Variants in DOCK10 observed in about 807,000 individuals in gnomAD.
DOCK10 encodes the protein dedicator of cytokinesis protein 10.
A neutral mutation model predicts 280.1 loss-of-function variants in DOCK10; 145 were observed. The observed-to-expected ratio is 0.52, with a 90% CI of 0.45 to 0.59. DOCK10 has a LOEUF of 0.59. DOCK10 is among the 20% of genes least tolerant of loss of function. DOCK10 has a pLI of 0.00. For synonymous variants in DOCK10, 915 were observed against 942.2 expected (o/e 0.97, Z 0.53); for missense variants, 2,368 against 2,651.7 (o/e 0.89, Z 2.35).
chr2:224,784,741 G>A (rs1353524084), intron 50 of DOCK10: 2 of 1,289,764 alleles, frequency 1.6e-6, no homozygotes, highest in Non-Finnish European at 2.0e-6. Flanking sequence ...ACTTACCACA[G>A]CCTGGAACAA....
At chr2:224,883,488 T>C (rs1477877799) in intron 7 of DOCK10, among the ~76,000 whole-genome samples, 1 of 152,240 alleles carries the variant, frequency 6.6e-6, no homozygotes, top group Non-Finnish European at 1.5e-5. Flanking sequence ...GGTTGTGACC[T>C]TTGAAATTAA....
chr2:224,789,020 A>G (rs1420499873), intron 48 of DOCK10, 44 bp downstream of exon 48: 1 of 1,247,778 alleles, frequency 8.0e-7, no homozygotes. Context: ...AAGCCAATGC[A>G]TCTCTTTCCT....
intron 22 of DOCK10, among the ~76,000 whole-genome samples, chr2:224,844,494 A>T (rs1559541889): frequency 6.6e-6 from 1 of 152,186 alleles, no homozygotes; most frequent in Non-Finnish European, 1.5e-5. Flanking sequence ...CCATACTCCA[A>T]GGGGAGTGTG....
intron 2 of DOCK10, among the ~76,000 whole-genome samples, chr2:224,919,746 G>T (rs571818181): frequency 2.0e-5 from 3 of 152,134 alleles, no homozygotes; most frequent in Non-Finnish European, 2.9e-5. Flanking sequence ...GGAAGCACGG[G>T]GTTTGTATCC....
chr2:224,869,512 C>A (rs1217306125), intron 11 of DOCK10, among the ~76,000 whole-genome samples: 1 of 151,986 alleles, frequency 6.6e-6, no homozygotes, highest in Non-Finnish European at 1.5e-5. Flanking sequence ...TTTTAAAAAA[C>A]AATGGTATTA....
At chr2:224,915,276 T>C (rs1049132887) in intron 3 of DOCK10, among the ~76,000 whole-genome samples, 1 of 152,218 alleles carries the variant, frequency 6.6e-6, no homozygotes, top group Non-Finnish European at 1.5e-5. Flanking sequence ...CCCTACTGTA[T>C]GCTAAGACTT....
chr2:224,909,596 A>G (rs577354938), intron 3 of DOCK10, among the ~76,000 whole-genome samples: 2 of 152,316 alleles, frequency 1.3e-5, no homozygotes, highest in East Asian at 3.9e-4. Context: ...AAAATGTGTA[A>G]GAACATGGAA....
At chr2:224,972,204 A>G (rs1483974954) in intron 1 of DOCK10, among the ~76,000 whole-genome samples, 1 of 152,234 alleles carries the variant, frequency 6.6e-6, no homozygotes, top group African/African-American at 2.4e-5. Context: ...AAGAACTATT[A>G]TTTTTGGACA....
At chr2:224,952,748 A>G (rs1415583431) in intron 1 of DOCK10, among the ~76,000 whole-genome samples, 1 of 151,272 alleles carries the variant, frequency 6.6e-6, no homozygotes, top group Non-Finnish European at 1.5e-5. Context: ...GCCCGCCACT[A>G]CGCCCGGCTA....
chr2:225,031,317 G>T lies in DOCK10; in HGVS notation c.123+10935C>A, dbSNP rs1045129564. On this transcript the variant is annotated intron_variant, in intron 1 of 55. Coordinates refer to ENST00000258390, the MANE Select transcript of DOCK10 (RefSeq NM_014689.3). ...TCAGGGATCTTCCCAAGATACATCT[G>T]TTCAGAAATGGACTTACACTGTGGA... Among the ~76,000 whole-genome samples the T allele has an allele frequency of 2.0e-5, 3 of 152,318 alleles. 1 individual carries two copies. Among genetic ancestry groups the T allele is most frequent in the South Asian group, 4.1e-4 (2 of 4,822 alleles).
intron 1 of DOCK10, among the ~76,000 whole-genome samples, chr2:224,951,039 T>C (rs573291023): frequency 2.4e-4 from 36 of 152,300 alleles, no homozygotes; most frequent in Non-Finnish European, 4.0e-4. Context: ...GTGTGAGAGA[T>C]AGACAGGCTG....
chr2:224,848,385 A>G (rs1163312652), intron 19 of DOCK10, among the ~76,000 whole-genome samples: 3 of 152,210 alleles, frequency 2.0e-5, no homozygotes, highest in Non-Finnish European at 4.4e-5. Flanking sequence ...TTTTTCACTG[A>G]AACTTCTTTG....
chr2:225,003,756 CTT>C (rs1018615653), intron 1 of DOCK10, among the ~76,000 whole-genome samples: 5 of 152,162 alleles, frequency 3.3e-5, no homozygotes, highest in African/African-American at 1.2e-4. Context: ...AATATTGTCT[CTT>C]TAAAGTCCAT....
chr2:224,913,146 TATTA>T (rs1701130721), intron 3 of DOCK10, among the ~76,000 whole-genome samples: 1 of 152,204 alleles, frequency 6.6e-6, no homozygotes, highest in Admixed American at 6.5e-5. Flanking sequence ...GCCTCACCCT[TATTA>T]ATTGATAATT....
intron 1 of DOCK10, among the ~76,000 whole-genome samples, chr2:224,941,737 G>A (rs1310307643): frequency 1.3e-5 from 2 of 151,674 alleles, no homozygotes; most frequent in Non-Finnish European, 2.9e-5. Flanking sequence ...CCAGCTACTC[G>A]AGAGACCGAG....
intron 1 of DOCK10, among the ~76,000 whole-genome samples, chr2:224,975,984 T>C (rs750190308): frequency 2.6e-5 from 4 of 152,258 alleles, no homozygotes; most frequent in Non-Finnish European, 5.9e-5. Context: ...CACCTCCCTA[T>C]ATTGCTGAGT....
chr2:224,784,691 G>T (rs1691608666), intron 50 of DOCK10: 20 of 1,286,850 alleles, frequency 1.6e-5, no homozygotes, highest in Non-Finnish European at 2.0e-5. Flanking sequence ...AAGTGTGAGG[G>T]GTGTTAGAGC....
chr2:224,874,131 T>C lies in DOCK10; in HGVS notation c.1122A>G (p.Lys374=), dbSNP rs1698480454. 2 of 1,587,950 alleles carry C rather than the reference T, an allele frequency of 1.3e-6. No individual in the cohort carries two copies. Among genetic ancestry groups the C allele is most frequent in the Non-Finnish European group, 1.7e-6 (2 of 1,167,652 alleles). ...PDIDTLKLQK[K]DLLEPESVIK... is the part of the protein sequence containing the mutation. ...TCACAGACTCAGGTTCCAAGAGATC[T>C]TTTTTTTGAAGTTTCAAGGTCTAAA... Residue 374 remains lysine, a synonymous_variant, in exon 11 of 56, where the codon AAA becomes AAG. Coordinates refer to ENST00000258390, the MANE Select transcript of DOCK10 (RefSeq NM_014689.3).
At position 224,811,803 on chromosome 2, in the gene DOCK10, C is replaced by T. The variant is rs1395255972; in HGVS notation, c.3409+2517G>A. ...CAAAGATCAGATGGTTGTAGATATG[C>T]GGCATTATTTCTGAGGGCTCTGTTC... On this transcript the variant is annotated intron_variant, in intron 31 of 55. Coordinates refer to ENST00000258390, the MANE Select transcript of DOCK10 (RefSeq NM_014689.3). Among the ~76,000 whole-genome samples, 665 of 151,260 alleles carry T rather than the reference C, an allele frequency of 4.4e-3. 10 individuals are homozygous for T. The highest frequency in any genetic ancestry group is 0.015 in the African/African-American group (611 of 41,438).
Sources: allele counts gnomAD v4.1 joint callset (sites outside exome capture counted in the v4.1 genomes callset), GRCh38; gene constraint gnomAD v4.1.1; transcripts MANE v1.5; gene names NCBI Gene and HGNC (gene_info 2026-07-23, HGNC 2026-07-21).